Variants in KCNQ5 observed in about 807,000 individuals in gnomAD.
KCNQ5 encodes the protein potassium voltage-gated channel subfamily KQT member 5.
In KCNQ5, 30 loss-of-function variants were observed where a neutral mutation model predicts 98.2. That is an observed-to-expected ratio of 0.31 (90% CI 0.23 to 0.41). KCNQ5 has a LOEUF of 0.41. Among genes scored for constraint, KCNQ5 ranks in the 10% least tolerant of loss-of-function variants. The pLI is 1.00. For missense variants in KCNQ5, 835 were observed against 1,182.5 expected (o/e 0.71, Z 4.31); for synonymous variants, 458 against 449.4 (o/e 1.02, Z -0.24).
chr6:72,684,838 C>CTG (rs566613319), intron 1 of KCNQ5, among the ~76,000 whole-genome samples: 1 of 151,734 alleles, frequency 6.6e-6, no homozygotes, highest in Non-Finnish European at 1.5e-5. Flanking sequence ...GCATTTGTGT[C>CTG]TGTGTGTGTG....
At chr6:72,761,489 T>C (rs1388875432) in intron 1 of KCNQ5, among the ~76,000 whole-genome samples, 2 of 151,892 alleles carry the variant, frequency 1.3e-5, no homozygotes, top group Non-Finnish European at 2.9e-5. Context: ...AACCATATTA[T>C]AAGTAATAAT....
chr6:73,049,719 C>T (rs1772130511), intron 3 of KCNQ5, among the ~76,000 whole-genome samples: 1 of 152,090 alleles, frequency 6.6e-6, no homozygotes, highest in Non-Finnish European at 1.5e-5. Context: ...TATCTGATGC[C>T]ATGAAAGCAA....
At chr6:72,848,025 A>T (rs1156487820) in intron 1 of KCNQ5, among the ~76,000 whole-genome samples, 1 of 151,904 alleles carries the variant, frequency 6.6e-6, no homozygotes, top group African/African-American at 2.4e-5. Flanking sequence ...CTAAAAAAAA[A>T]AACTCCCAAT....
At chr6:72,973,520 T>C (rs1444298768) in intron 1 of KCNQ5, among the ~76,000 whole-genome samples, 1 of 152,120 alleles carries the variant, frequency 6.6e-6, no homozygotes, top group African/African-American at 2.4e-5. Flanking sequence ...TTCCCAAAGC[T>C]TTGTGGCAAA....
At chr6:72,744,273 CA>C (rs1771266961) in intron 1 of KCNQ5, among the ~76,000 whole-genome samples, 1 of 152,110 alleles carries the variant, frequency 6.6e-6, no homozygotes, top group African/African-American at 2.4e-5. Context: ...TTTAAAACTG[CA>C]ATCTATTTAT....
chr6:73,010,875 AG>A (rs1354980225), intron 2 of KCNQ5, among the ~76,000 whole-genome samples: 1 of 152,084 alleles, frequency 6.6e-6, no homozygotes, highest in African/African-American at 2.4e-5. Flanking sequence ...TAAATTAATA[AG>A]ACATAAATAA....
At chr6:72,859,360 A>G (rs1210744314) in intron 1 of KCNQ5, among the ~76,000 whole-genome samples, 1 of 152,200 alleles carries the variant, frequency 6.6e-6, no homozygotes, top group Non-Finnish European at 1.5e-5. Flanking sequence ...AAGTTATTTA[A>G]TGAATCATCT....
intron 1 of KCNQ5, among the ~76,000 whole-genome samples, chr6:72,649,088 G>C (rs1051623134): frequency 1.3e-5 from 2 of 152,250 alleles, no homozygotes; most frequent in Non-Finnish European, 2.9e-5. Context: ...AGATGGCTGT[G>C]TTTGAGCACA....
chr6:73,184,947 C>G (rs1278663438), intron 11 of KCNQ5, among the ~76,000 whole-genome samples: 1 of 152,160 alleles, frequency 6.6e-6, no homozygotes, highest in East Asian at 1.9e-4. Context: ...TGCCCGAAGT[C>G]TCCACAGTAG....
intron 2 of KCNQ5, among the ~76,000 whole-genome samples, chr6:73,009,424 T>A (rs906240216): frequency 6.6e-6 from 1 of 152,036 alleles, no homozygotes; most frequent in Non-Finnish European, 1.5e-5. Flanking sequence ...TAGCTATAAA[T>A]GCTTACATTA....
At chr6:72,721,001 A>G (rs1479496038) in intron 1 of KCNQ5, among the ~76,000 whole-genome samples, 1 of 152,202 alleles carries the variant, frequency 6.6e-6, no homozygotes, top group Non-Finnish European at 1.5e-5. Context: ...TCAAAAATGT[A>G]TGAATTTAGA....
intron 1 of KCNQ5, among the ~76,000 whole-genome samples, chr6:72,838,843 G>A (rs1346737806): frequency 3.3e-5 from 5 of 149,772 alleles, no homozygotes; most frequent in East Asian, 3.9e-4. Flanking sequence ...CCAGCTACTC[G>A]GGAGGCTGAG....
At chr6:72,850,184 A>G (rs1156585907) in intron 1 of KCNQ5, among the ~76,000 whole-genome samples, 1 of 152,184 alleles carries the variant, frequency 6.6e-6, no homozygotes, top group East Asian at 1.9e-4. Flanking sequence ...GGTAATAGAT[A>G]TAAGGCTGGC....
intron 1 of KCNQ5, among the ~76,000 whole-genome samples, chr6:72,965,318 A>C (rs567295862): frequency 6.6e-6 from 1 of 152,346 alleles, no homozygotes; most frequent in African/African-American, 2.4e-5. Context: ...CATTAAATGG[A>C]AGCACAGGTA....
chr6:72,702,261 G>A (rs1768848748), intron 1 of KCNQ5, among the ~76,000 whole-genome samples: 3 of 152,202 alleles, frequency 2.0e-5, no homozygotes, highest in Non-Finnish European at 4.4e-5. Flanking sequence ...TTATGAGTGT[G>A]AGGTTGAGCA....
At chr6:73,147,166 G>A (rs965200619) in intron 10 of KCNQ5, among the ~76,000 whole-genome samples, 4 of 152,064 alleles carry the variant, frequency 2.6e-5, no homozygotes, top group African/African-American at 7.2e-5. Flanking sequence ...TCTCTTTAGG[G>A]TGGTAGAAAT....
intron 5 of KCNQ5, among the ~76,000 whole-genome samples, chr6:73,094,253 T>A (rs1467879566): frequency 6.6e-6 from 1 of 152,198 alleles, no homozygotes; most frequent in Non-Finnish European, 1.5e-5. Context: ...TCCAAAAATG[T>A]CTTTTTCCAC....
intron 2 of KCNQ5, among the ~76,000 whole-genome samples, chr6:73,026,963 T>C (rs959070629): frequency 1.3e-5 from 2 of 152,148 alleles, no homozygotes; most frequent in African/African-American, 4.8e-5. Context: ...GAATGAGACA[T>C]AGTGGAAACC....
intron 1 of KCNQ5, among the ~76,000 whole-genome samples, chr6:72,939,232 T>C (rs1037664234): frequency 6.6e-6 from 1 of 152,120 alleles, no homozygotes; most frequent in African/African-American, 2.4e-5. Context: ...TCAGGGACAC[T>C]AGCTGGCAGG....
Sources: allele counts gnomAD v4.1 joint callset (sites outside exome capture counted in the v4.1 genomes callset), GRCh38; gene constraint gnomAD v4.1.1; transcripts MANE v1.5; gene names NCBI Gene and HGNC (gene_info 2026-07-23, HGNC 2026-07-21).